SCD5: variants seen among roughly 807,000 people sequenced by gnomAD.
SCD5 encodes the protein stearoyl-CoA desaturase 5, also known as acyl-CoA-desaturase 4.
Under a neutral mutation model 30.4 loss-of-function variants are expected in SCD5, and 20 were observed. The ratio of observed to expected loss-of-function variants is 0.66; its 90% confidence interval spans 0.46 to 0.96. The LOEUF is 0.96. Among genes scored for constraint, SCD5 ranks in the 40% least tolerant of loss-of-function variants. The pLI is 0.00. For missense variants in SCD5, 381 were observed against 443.3 expected, an observed-to-expected ratio of 0.86 and a Z score of 1.26; for synonymous variants, 173 against 176.4, an observed-to-expected ratio of 0.98 and a Z score of 0.16.
chr4:82,645,276 T>C (rs1288954443), intron 3 of SCD5, among the ~76,000 whole-genome samples: 1 of 148,156 alleles, frequency 6.7e-6, no homozygotes, highest in East Asian at 2.0e-4. Flanking sequence ...ATTGTGCCAC[T>C]GCACTCCAGC....
At position 82,759,922 on chromosome 4, in the gene SCD5, T is replaced by C. The variant is rs565238329; in HGVS notation, c.232+38384A>G. On this transcript the variant is annotated intron_variant, in intron 1 of 4. Transcript: ENST00000319540. Reference sequence around the variant, plus strand: ...CCTATTGATCCAATCTCAAACCTCATGTGCTCCCTCTGCCTCTTGTGCTGG... The same window carrying C: ...CCTATTGATCCAATCTCAAACCTCACGTGCTCCCTCTGCCTCTTGTGCTGG... Among the ~76,000 whole-genome samples the C allele has an allele frequency of 3.2e-4, 49 of 152,324 alleles. No individual in the cohort carries two copies. In the South Asian group the frequency reaches 9.7e-3, roughly 30 times the overall value.
chr4:82,704,407 A>C (rs1719924880), intron 2 of SCD5, among the ~76,000 whole-genome samples: 1 of 152,186 alleles, frequency 6.6e-6, no homozygotes, highest in Admixed American at 6.5e-5. Flanking sequence ...TTTGAAAACA[A>C]GTTGTTCTCA....
intron 2 of SCD5, among the ~76,000 whole-genome samples, chr4:82,700,591 C>T (rs939215358): frequency 1.3e-5 from 2 of 151,856 alleles, no homozygotes; most frequent in Non-Finnish European, 2.9e-5. Context: ...GAATTCTGTA[C>T]TCAGCAAAAT....
intron 1 of SCD5, among the ~76,000 whole-genome samples, chr4:82,718,482 G>T (rs746847314): frequency 2.0e-5 from 3 of 151,628 alleles, no homozygotes; most frequent in African/African-American, 7.3e-5. Context: ...CTGACCAAAC[G>T]TTCCTCTATC....
chr4:82,729,975 T>G (rs1234365645), intron 1 of SCD5, among the ~76,000 whole-genome samples: 1 of 152,148 alleles, frequency 6.6e-6, no homozygotes, highest in East Asian at 1.9e-4. Flanking sequence ...CCTTTGTCTT[T>G]GTCATCTCTC....
intron 2 of SCD5, among the ~76,000 whole-genome samples, chr4:82,691,006 G>GT (rs968280026): frequency 3.7e-5 from 2 of 53,958 alleles, no homozygotes; most frequent in Non-Finnish European, 8.8e-5. Context: ...AAGACCATTT[G>GT]TTTTTTTGTT....
At chr4:82,680,560 A>G (rs1459422108) in intron 3 of SCD5, 147 bp downstream of exon 3, 5 of 708,968 alleles carry the variant, frequency 7.1e-6, no homozygotes, top group Middle Eastern at 4.0e-4. Flanking sequence ...AAGGAAATTA[A>G]TAAATAGAGA....
intron 1 of SCD5, among the ~76,000 whole-genome samples, chr4:82,731,849 A>C (rs950423878): frequency 6.6e-6 from 1 of 152,146 alleles, no homozygotes; most frequent in Non-Finnish European, 1.5e-5. Flanking sequence ...GAGGTAGTAA[A>C]GTGACTGGAA....
intron 3 of SCD5, among the ~76,000 whole-genome samples, chr4:82,655,882 G>C (rs1348763960): frequency 6.6e-6 from 1 of 152,190 alleles, no homozygotes; most frequent in African/African-American, 2.4e-5. Context: ...AACAGCTGTT[G>C]CTGACATGTC....
At chr4:82,788,627 G>C (rs1722036751) in intron 1 of SCD5, among the ~76,000 whole-genome samples, 1 of 152,208 alleles carries the variant, frequency 6.6e-6, no homozygotes, top group Non-Finnish European at 1.5e-5. Flanking sequence ...CTGGCCTCAA[G>C]TGATCCACCC....
chr4:82,797,079 T>C (rs1722241246), intron 1 of SCD5, among the ~76,000 whole-genome samples: 1 of 152,168 alleles, frequency 6.6e-6, no homozygotes, highest in Non-Finnish European at 1.5e-5. Context: ...ATGGGTTTAC[T>C]TCCAAGAGCA....
In SCD5 at chr4:82,798,528, G is replaced by A. The variant is rs2148856646; in HGVS notation, c.10C>T (p.Pro4Ser). 2 of 1,593,182 alleles carry A rather than the reference G, an allele frequency of 1.3e-6. No individual in the cohort carries two copies. The highest frequency in any genetic ancestry group is 1.7e-6 in the Non-Finnish European group (2 of 1,170,464). MPG[P>S]ATDAGKIPFC... ...GGGATCTTCCCCGCGTCGGTGGCCG[G>A]GCCTGGCATGGCTGGGCGAGGTGGG... The change falls in exon 1 of 5, where the codon CCG (proline) becomes TCG (serine). Residue 4 changes from proline (P) to serine (S), a missense_variant. Coordinates refer to ENST00000319540, the MANE Select transcript of SCD5 (RefSeq NM_001037582.3).
intron 1 of SCD5, among the ~76,000 whole-genome samples, chr4:82,714,127 TC>T (rs1438402612): frequency 1.3e-5 from 2 of 152,182 alleles, no homozygotes; most frequent in Non-Finnish European, 2.9e-5. Context: ...CTTACATTAT[TC>T]CCACAGCCTA....
intron 3 of SCD5, among the ~76,000 whole-genome samples, chr4:82,674,688 C>A (rs75485415): frequency 0.056 from 8,583 of 152,260 alleles, 374 homozygotes; most frequent in African/African-American, 0.12. Flanking sequence ...TTTACTCTAG[C>A]TTTATTATTA....
intron 1 of SCD5, among the ~76,000 whole-genome samples, chr4:82,734,018 A>G (rs1336452355): frequency 1.3e-5 from 2 of 152,232 alleles, no homozygotes; most frequent in East Asian, 3.8e-4. Flanking sequence ...GGCTGTGTCT[A>G]AAGCCTTAAG....
At chr4:82,698,509 G>A (rs976113079) in intron 2 of SCD5, among the ~76,000 whole-genome samples, 4 of 152,180 alleles carry the variant, frequency 2.6e-5, no homozygotes, top group Non-Finnish European at 5.9e-5. Flanking sequence ...CCATGGAAAC[G>A]CATGAGGCCA....
In SCD5 at chr4:82,727,170, C is replaced by T. The variant is rs573344175; in HGVS notation, c.233-21757G>A. ...CTCCTCCACTCAGGTTCAAATGAAA[C>T]CCTAAACTTGACTTTAGGATGTAAG... On this transcript the variant is annotated intron_variant, in intron 1 of 4. Transcript: ENST00000319540. Among the ~76,000 whole-genome samples, 15 of 152,278 alleles carry T rather than the reference C, an allele frequency of 9.9e-5. No individual in the cohort carries two copies. The South Asian group carries it at 3.1e-3, about 32-fold the overall frequency.
At chr4:82,771,204 A>G (rs1300146155) in intron 1 of SCD5, among the ~76,000 whole-genome samples, 1 of 152,222 alleles carries the variant, frequency 6.6e-6, no homozygotes, top group East Asian at 1.9e-4. Flanking sequence ...CCTGGGTTCA[A>G]GCAATCCTCC....
chr4:82,646,954 C>T (rs1231111103), intron 3 of SCD5, among the ~76,000 whole-genome samples: 3 of 152,222 alleles, frequency 2.0e-5, no homozygotes, highest in African/African-American at 7.2e-5. Context: ...TCCCCATTAG[C>T]TGGGATTACA....
Sources: gnomAD v4.1 joint callset for allele counts (sites outside exome capture counted in the v4.1 genomes callset) on GRCh38, gnomAD v4.1.1 for gene constraint, MANE v1.5 for transcripts, NCBI Gene and HGNC (gene_info 2026-07-23, HGNC 2026-07-21) for gene names.